SLC4A5: variants seen among roughly 807,000 people sequenced by gnomAD.
The protein encoded by SLC4A5 is solute carrier family 4 member 5, also known as electrogenic sodium bicarbonate cotransporter 4.
SLC4A5 carries 96 observed loss-of-function variants against 120.4 expected under a neutral mutation model. That is an observed-to-expected ratio of 0.80 (90% CI 0.68 to 0.94). The LOEUF is 0.94. SLC4A5 is among the 40% of genes least tolerant of loss of function. SLC4A5 has a pLI of 0.00. For missense variants in SLC4A5, 1,259 were observed against 1,459.5 expected, an observed-to-expected ratio of 0.86 and a Z score of 2.24; for synonymous variants, 550 against 571.1, an observed-to-expected ratio of 0.96 and a Z score of 0.53.
At chr2:74,229,936 C>CAGTG (rs2103903774) in intron 25 of SLC4A5, among the ~76,000 whole-genome samples, 2 of 146,824 alleles carry the variant, frequency 1.4e-5, no homozygotes, top group African/African-American at 5.1e-5. Context: ...GGCTGGAGTG[C>CAGTG]AGTGGCATGA....
intron 18 of SLC4A5, 125 bp from the exon 19 acceptor site, chr2:74,247,432 G>A: frequency 9.1e-6 from 9 of 990,336 alleles, no homozygotes; most frequent in Non-Finnish European, 1.3e-5. Context: ...CAGGGACTGT[G>A]AAAGACTGGG....
In SLC4A5 at chr2:74,241,193, G is replaced by A. The variant is rs553399728; in HGVS notation, c.2118+801C>T. ...AATGGCAGGCTTTGCTTACAGCTTT[G>A]TGAGGCTCTATTTACCATCCCTCAT... On this transcript the variant is annotated intron_variant, in intron 20 of 30. Coordinates refer to ENST00000394019, the Ensembl canonical transcript of SLC4A5. Among the ~76,000 whole-genome samples the A allele has an allele frequency of 5.9e-5, 9 of 152,060 alleles. No individual in the cohort carries two copies. The East Asian group carries it at 1.5e-3, about 26-fold the overall frequency.
chr2:74,314,979 G>T (rs1303178705), exon 6 of SLC4A5: 1 of 1,614,014 alleles, frequency 6.2e-7, no homozygotes, highest in South Asian at 1.1e-5. Flanking sequence ...TGTGGTTAGT[G>T]TGGTCCAGCT....
chr2:74,263,094 C>T (rs938667704), intron 10 of SLC4A5, among the ~76,000 whole-genome samples: 10 of 152,198 alleles, frequency 6.6e-5, no homozygotes, highest in African/African-American at 2.4e-4. Flanking sequence ...GGCTGGAGTG[C>T]AATGGCACGA....
chr2:74,327,017 A>G (rs1673233342), intron 5 of SLC4A5, among the ~76,000 whole-genome samples: 1 of 152,206 alleles, frequency 6.6e-6, no homozygotes, highest in Admixed American at 6.5e-5. Flanking sequence ...TTCCCTATCC[A>G]CAAGGACACA....
intron 4 of SLC4A5, among the ~76,000 whole-genome samples, chr2:74,331,994 G>T (rs1558918225): frequency 6.6e-6 from 1 of 152,106 alleles, no homozygotes; most frequent in Non-Finnish European, 1.5e-5. Context: ...TTGCGTTGTG[G>T]GATAGGGGAG....
At chr2:74,244,496 C>T (rs1271062667) in intron 19 of SLC4A5, among the ~76,000 whole-genome samples, 5 of 65,644 alleles carry the variant, frequency 7.6e-5, no homozygotes, top group Non-Finnish European at 1.4e-4. Flanking sequence ...TTCTCTCTCC[C>T]TTCCTTCTTT....
exon 18 of SLC4A5, chr2:74,248,481 C>G (rs1670689228): frequency 6.2e-7 from 1 of 1,614,016 alleles, no homozygotes; most frequent in Non-Finnish European, 8.5e-7. Flanking sequence ...AGCTCTCCAT[C>G]ACTCCCTGGG....
At chr2:74,253,077 C>T in exon 15 of SLC4A5, 1 of 1,614,172 alleles carries the variant, frequency 6.2e-7, no homozygotes, top group Non-Finnish European at 8.5e-7. Context: ...TCATCAATTC[C>T]TGCGATCAGA....
chr2:74,247,253 A>G, exon 19 of SLC4A5: 1 of 1,614,184 alleles, frequency 6.2e-7, no homozygotes, highest in Non-Finnish European at 8.5e-7. Context: ...GGCACTGGAC[A>G]GCTGAGTGTA....
At chr2:74,295,357 G>C (rs1672296645) in intron 7 of SLC4A5, among the ~76,000 whole-genome samples, 1 of 152,192 alleles carries the variant, frequency 6.6e-6, no homozygotes, top group Non-Finnish European at 1.5e-5. Context: ...ATCTCGGCCA[G>C]GTGCAGTGGC....
intron 2 of SLC4A5, among the ~76,000 whole-genome samples, chr2:74,341,565 C>T (rs1673627568): frequency 6.6e-6 from 1 of 152,192 alleles, no homozygotes; most frequent in South Asian, 2.1e-4. Context: ...ACAGGGGGCA[C>T]TGAGATGGCT....
intron 5 of SLC4A5, among the ~76,000 whole-genome samples, chr2:74,316,551 T>G (rs77709790): frequency 0.039 from 5,979 of 152,126 alleles, 405 homozygotes; most frequent in African/African-American, 0.14. Flanking sequence ...AGAATAAGAC[T>G]GACAGAACAG....
intron 6 of SLC4A5, among the ~76,000 whole-genome samples, chr2:74,305,375 A>C (rs1672609467): frequency 6.6e-6 from 1 of 152,164 alleles, no homozygotes; most frequent in Non-Finnish European, 1.5e-5. Flanking sequence ...TTTTTAGGAC[A>C]GTTTAAGATT....
At chr2:74,286,220 CA>C (rs1671977581) in intron 7 of SLC4A5, among the ~76,000 whole-genome samples, 1 of 152,176 alleles carries the variant, frequency 6.6e-6, no homozygotes, top group African/African-American at 2.4e-5. Flanking sequence ...AAGTGAGAAG[CA>C]CTCTGACCCA....
exon 31 of SLC4A5, chr2:74,217,626 AT>A (rs1694487041): frequency 6.6e-6 from 1 of 152,192 alleles, no homozygotes; most frequent in Admixed American, 6.5e-5. Context: ...AATTTAAAGG[AT>A]CATTTTGATT....
intron 19 of SLC4A5, among the ~76,000 whole-genome samples, chr2:74,244,308 A>G (rs1173242951): frequency 2.6e-5 from 4 of 152,136 alleles, no homozygotes; most frequent in Non-Finnish European, 4.4e-5. Context: ...GTGCATCAGA[A>G]TCAATTGGAA....
chr2:74,342,053 C>T (rs535956434), intron 2 of SLC4A5, among the ~76,000 whole-genome samples: 1 of 152,290 alleles, frequency 6.6e-6, no homozygotes, highest in African/African-American at 2.4e-5. Context: ...GCAGAAGAAG[C>T]ACATAGCCCA....
At chr2:74,224,775 C>G in intron 28 of SLC4A5, 65 bp downstream of exon 28, 3 of 1,566,202 alleles carry the variant, frequency 1.9e-6, no homozygotes, top group Non-Finnish European at 2.6e-6. Context: ...CTCCCTGTCC[C>G]TGGCAAAAGT....
Sources: allele counts gnomAD v4.1 joint callset (sites outside exome capture counted in the v4.1 genomes callset), GRCh38; gene constraint gnomAD v4.1.1; transcripts MANE v1.5; gene names NCBI Gene and HGNC (gene_info 2026-07-23, HGNC 2026-07-21).